KLHL3: variants seen among roughly 807,000 people sequenced by gnomAD.
KLHL3 encodes the protein kelch-like protein 3.
A neutral mutation model predicts 70.5 loss-of-function variants in KLHL3; 19 were observed. The ratio of observed to expected loss-of-function variants is 0.27; its 90% CI spans 0.19 to 0.40. The LOEUF (loss-of-function observed/expected upper bound fraction) is 0.40. Among genes scored for constraint, KLHL3 ranks in the 10% least tolerant of loss-of-function variants. KLHL3 has a pLI of 1.00. For synonymous variants in KLHL3, 258 were observed against 290.3 expected, an observed-to-expected ratio of 0.89 and a Z score of 1.13; for missense variants, 512 against 771.1, an observed-to-expected ratio of 0.66 and a Z score of 3.98.
chr5:137,641,320 G>C (rs1233973371), intron 8 of KLHL3, among the ~76,000 whole-genome samples: 1 of 152,128 alleles, frequency 6.6e-6, no homozygotes, highest in Non-Finnish European at 1.5e-5. Context: ...TCACCTAGAG[G>C]ACTTGTGAAA....
At position 137,692,389 on chromosome 5, in the gene KLHL3, T is replaced by C. The variant is rs375560594; in HGVS notation, c.422A>G (p.Asp141Gly). The change falls in exon 5 of 15, where the codon GAC becomes GGC. Residue 141 changes from aspartate to glycine, a missense_variant. Physicochemically the swap from Asp to Gly is moderately conservative, Grantham distance 94. Coordinates refer to ENST00000309755, the MANE Select transcript of KLHL3 (RefSeq NM_017415.3). ...GGGATGCAACTGAGACTGCAGGAAG[T>C]CACAGCAGTTCTGCCGAACATCCAT... ...QLMDVRQNCCDFLQSQLHPTN... is the reference protein window; with the variant it reads ...QLMDVRQNCCGFLQSQLHPTN... 6.2e-7 allele frequency: 1 copy of C among 1,613,992 alleles called. No individual in the cohort carries two copies. The highest frequency in any genetic ancestry group is 1.7e-4 in the Middle Eastern group (1 of 5,920).
intron 5 of KLHL3, among the ~76,000 whole-genome samples, chr5:137,685,958 G>A (rs773220656): frequency 6.6e-6 from 1 of 152,206 alleles, no homozygotes. Context: ...TGCTTTTTCT[G>A]TAATAGTCAG....
intron 12 of KLHL3, among the ~76,000 whole-genome samples, chr5:137,631,938 G>T (rs1319195254): frequency 6.6e-6 from 1 of 151,328 alleles, no homozygotes; most frequent in Non-Finnish European, 1.5e-5. Flanking sequence ...ATGAAAGGAG[G>T]AGGAGGAGGT....
intron 5 of KLHL3, among the ~76,000 whole-genome samples, chr5:137,685,145 A>C (rs1014684040): frequency 8.5e-5 from 13 of 152,246 alleles, no homozygotes; most frequent in African/African-American, 2.4e-4. Context: ...AAAATCTATC[A>C]AACAACTTTT....
At chr5:137,713,440 CTT>C (rs1366090546) in intron 2 of KLHL3, among the ~76,000 whole-genome samples, 1 of 152,168 alleles carries the variant, frequency 6.6e-6, no homozygotes, top group African/African-American at 2.4e-5. Flanking sequence ...AAAAAACAGT[CTT>C]TTCAACAAAT....
chr5:137,729,409 G>A (rs567990277), intron 1 of KLHL3, among the ~76,000 whole-genome samples: 44 of 152,274 alleles, frequency 2.9e-4, no homozygotes, highest in Non-Finnish European at 5.3e-4. Context: ...ATCAGATATC[G>A]TCAGCTGGTT....
chr5:137,670,993 C>A (rs1350013674), intron 6 of KLHL3, among the ~76,000 whole-genome samples: 3 of 148,768 alleles, frequency 2.0e-5, no homozygotes, highest in South Asian at 2.1e-4. Flanking sequence ...AAAACAACAA[C>A]AAAAAAGCCC....
At chr5:137,667,137 A>T (rs953433447) in intron 6 of KLHL3, among the ~76,000 whole-genome samples, 10 of 152,246 alleles carry the variant, frequency 6.6e-5, no homozygotes, top group African/African-American at 2.4e-4. Context: ...GTTGGAAGGC[A>T]GCCACACTCA....
At position 137,722,920 on chromosome 5, in the gene KLHL3, C is replaced by T. The variant is rs534215923; in HGVS notation, c.15-2336G>A. On this transcript the variant is annotated intron_variant, in intron 1 of 14. Transcript: ENST00000309755. ...CTGGCCTCAAGTGATCTGCTCACTC[C>T]GGCCTCCCAAAGTGCTGCGATTACT... Among the ~76,000 whole-genome samples the T allele has an allele frequency of 9.8e-4, 150 of 152,306 alleles. 1 individual carries two copies. Among genetic ancestry groups the T allele is most frequent in the South Asian group, 7.5e-3 (36 of 4,826 alleles).
At chr5:137,671,464 C>A (rs1751756978) in intron 6 of KLHL3, among the ~76,000 whole-genome samples, 1 of 152,178 alleles carries the variant, frequency 6.6e-6, no homozygotes, top group Non-Finnish European at 1.5e-5. Context: ...ATAGAAATGA[C>A]TACCTGTCAC....
intron 3 of KLHL3, chr5:137,706,573 A>T (rs1427664425): frequency 6.3e-6 from 1 of 159,046 alleles, no homozygotes; most frequent in Non-Finnish European, 1.3e-5. Context: ...CTAGTAAAAT[A>T]ATCAGGAATG....
intron 4 of KLHL3, 64 bp from the exon 5 acceptor site, chr5:137,692,511 C>G: frequency 6.7e-7 from 1 of 1,483,614 alleles, no homozygotes; most frequent in Non-Finnish European, 9.4e-7. Context: ...CTGCCTTTTC[C>G]TATCATATCA....
chr5:137,709,685 C>A (rs1752756003), intron 3 of KLHL3, 65 bp downstream of exon 3: 2 of 1,298,770 alleles, frequency 1.5e-6, no homozygotes, highest in Non-Finnish European at 2.2e-6. Context: ...TGTCACCACC[C>A]CCAACATTCT....
intron 2 of KLHL3, among the ~76,000 whole-genome samples, chr5:137,714,013 T>C (rs1047332687): frequency 6.0e-5 from 9 of 150,326 alleles, no homozygotes; most frequent in Admixed American, 1.3e-4. Context: ...CTCCTAATGC[T>C]ATCCCTCCCC....
chr5:137,660,700 C>T (rs1260596434), intron 7 of KLHL3: 1 of 152,202 alleles, frequency 6.6e-6, no homozygotes, highest in Non-Finnish European at 1.5e-5. Context: ...GATACTGTGT[C>T]ACCTGCTACT....
chr5:137,685,822 T>C (rs989537291), intron 5 of KLHL3, among the ~76,000 whole-genome samples: 1 of 152,170 alleles, frequency 6.6e-6, no homozygotes, highest in African/African-American at 2.4e-5. Flanking sequence ...CTACTGTACC[T>C]GGCTAAAATG....
intron 8 of KLHL3, among the ~76,000 whole-genome samples, chr5:137,647,408 C>T (rs896172860): frequency 2.6e-5 from 4 of 152,070 alleles, no homozygotes; most frequent in Admixed American, 6.5e-5. Flanking sequence ...TTCCAGCCTA[C>T]GTGTAGATCA....
chr5:137,682,752 A>C (rs1308161753), intron 5 of KLHL3, among the ~76,000 whole-genome samples: 1 of 152,174 alleles, frequency 6.6e-6, no homozygotes, highest in East Asian at 1.9e-4. Context: ...GTGTTATTTG[A>C]AGCTGAATCC....
At chr5:137,685,997 T>TAAC (rs1444243693) in intron 5 of KLHL3, among the ~76,000 whole-genome samples, 1 of 151,836 alleles carries the variant, frequency 6.6e-6, no homozygotes, top group East Asian at 1.9e-4. Context: ...ATAGCAATAA[T>TAAC]AACAACAACA....
Sources: allele counts gnomAD v4.1 joint callset (sites outside exome capture counted in the v4.1 genomes callset), GRCh38; gene constraint gnomAD v4.1.1; transcripts MANE v1.5; gene names NCBI Gene and HGNC (gene_info 2026-07-23, HGNC 2026-07-21).